Variants in THSD7B observed in about 807,000 individuals in gnomAD.
The protein encoded by THSD7B is thrombospondin type 1 domain containing 7B.
THSD7B carries 138 observed loss-of-function variants against 213.6 expected under a neutral mutation model. That is an observed-to-expected ratio of 0.65 (90% CI 0.56 to 0.74). The LOEUF (loss-of-function observed/expected upper bound fraction) is 0.74. Among genes scored for constraint, THSD7B ranks in the 30% least tolerant of loss-of-function variants. The pLI is 0.00. For missense variants in THSD7B, 1,931 were observed against 1,991.5 expected (o/e 0.97, Z 0.58); for synonymous variants, 742 against 687.0 (o/e 1.08, Z -1.25).
chr2:137,487,534 TG>T (rs1239063495), intron 15 of THSD7B, among the ~76,000 whole-genome samples: 2 of 151,556 alleles, frequency 1.3e-5, no homozygotes, highest in African/African-American at 4.8e-5. Context: ...GCTGGTTTTT[TG>T]AAAGGATCAA....
At chr2:137,124,147 G>T (rs1269596703) in intron 5 of THSD7B, among the ~76,000 whole-genome samples, 4 of 152,148 alleles carry the variant, frequency 2.6e-5, no homozygotes, top group African/African-American at 9.7e-5. Flanking sequence ...ACCACGCTGA[G>T]ACTAGTGCAT....
At chr2:137,239,304 G>A (rs1325927921) in intron 9 of THSD7B, among the ~76,000 whole-genome samples, 2 of 152,086 alleles carry the variant, frequency 1.3e-5, no homozygotes, top group Non-Finnish European at 2.9e-5. Flanking sequence ...TTTAACAGTT[G>A]CTGAATTTTT....
chr2:137,466,674 C>A (rs1483838732), intron 15 of THSD7B, among the ~76,000 whole-genome samples: 1 of 152,046 alleles, frequency 6.6e-6, no homozygotes, highest in Non-Finnish European at 1.5e-5. Context: ...CCAGTTTGCA[C>A]GCAATCAGCA....
At chr2:137,430,060 T>A (rs1452882832) in intron 14 of THSD7B, among the ~76,000 whole-genome samples, 5 of 151,838 alleles carry the variant, frequency 3.3e-5, no homozygotes, top group African/African-American at 1.2e-4. Context: ...CTGGGCAACA[T>A]AAGGAGACCC....
intron 2 of THSD7B, among the ~76,000 whole-genome samples, chr2:136,977,807 T>C (rs1446376308): frequency 1.9e-5 from 1 of 53,380 alleles, no homozygotes; most frequent in Non-Finnish European, 7.4e-5. Flanking sequence ...CTTTGTTTTT[T>C]TTTTTTTTTT....
intron 14 of THSD7B, among the ~76,000 whole-genome samples, chr2:137,412,431 T>C (rs1686679622): frequency 6.6e-6 from 1 of 151,546 alleles, no homozygotes; most frequent in Admixed American, 6.6e-5. Flanking sequence ...AGAAACCCTG[T>C]CTCTACTGAA....
chr2:137,546,472 ATATATAATATATATAT>A (rs1680739328), intron 15 of THSD7B, among the ~76,000 whole-genome samples: 1 of 62,164 alleles, frequency 1.6e-5, no homozygotes, highest in Non-Finnish European at 2.7e-5. Flanking sequence ...TAATATATAT[ATATATAATATATATAT>A]ATATATATTA....
intron 14 of THSD7B, among the ~76,000 whole-genome samples, chr2:137,415,424 A>G (rs1686771073): frequency 6.6e-6 from 1 of 152,168 alleles, no homozygotes; most frequent in South Asian, 2.1e-4. Context: ...GAGGAGAAAT[A>G]TTAAAATCAC....
intron 25 of THSD7B, 63 bp from the exon 26 acceptor site, chr2:137,663,320 T>C: frequency 7.5e-7 from 1 of 1,338,738 alleles, no homozygotes; most frequent in Non-Finnish European, 9.9e-7. Context: ...TTTAACATTA[T>C]ATTTTTATTC....
intron 2 of THSD7B, among the ~76,000 whole-genome samples, chr2:136,959,743 C>G (rs1252993994): frequency 6.6e-6 from 1 of 152,158 alleles, no homozygotes; most frequent in Non-Finnish European, 1.5e-5. Context: ...CTACTTATCT[C>G]CATAAATTTA....
chr2:136,882,055 C>A, intron 1 of THSD7B, 89 bp from the exon 2 acceptor site: 1 of 1,054,088 alleles, frequency 9.5e-7, no homozygotes, highest in Non-Finnish European at 1.3e-6. Context: ...ACTTGCAATA[C>A]CATCATAATA....
intron 15 of THSD7B, among the ~76,000 whole-genome samples, chr2:137,531,798 T>G (rs1047063236): frequency 6.6e-6 from 1 of 151,964 alleles, no homozygotes. Flanking sequence ...CTACCTAGTA[T>G]CTAATGCTTA....
chr2:137,240,637 T>C (rs913450032), intron 9 of THSD7B, among the ~76,000 whole-genome samples: 3 of 152,070 alleles, frequency 2.0e-5, no homozygotes, highest in African/African-American at 7.2e-5. Context: ...CAGCAACCCA[T>C]GTAGCTAGGA....
chr2:136,803,203 C>A (rs1361795641), intron 1 of THSD7B, among the ~76,000 whole-genome samples: 1 of 151,840 alleles, frequency 6.6e-6, no homozygotes, highest in Admixed American at 6.6e-5. Flanking sequence ...TTGTTCTGTC[C>A]AAATTTTCAA....
intron 17 of THSD7B, among the ~76,000 whole-genome samples, chr2:137,604,249 T>C (rs1457777244): frequency 6.6e-6 from 1 of 152,222 alleles, no homozygotes; most frequent in African/African-American, 2.4e-5. Flanking sequence ...TTCAACTTTT[T>C]AAATAGTGAA....
At chr2:137,028,432 T>C (rs1397088613) in intron 2 of THSD7B, among the ~76,000 whole-genome samples, 1 of 152,188 alleles carries the variant, frequency 6.6e-6, no homozygotes, top group African/African-American at 2.4e-5. Context: ...ATATGTCACT[T>C]AAAGGGAAAT....
intron 1 of THSD7B, among the ~76,000 whole-genome samples, chr2:136,862,636 A>G (rs890780174): frequency 1.3e-5 from 2 of 152,254 alleles, no homozygotes; most frequent in Non-Finnish European, 2.9e-5. Context: ...ATAACTGCCC[A>G]GATGAGCTAG....
chr2:137,231,030 C>G lies in THSD7B; in HGVS notation c.1724-14C>G. ...TGCATTAATCACCAACTGTCTTGAT[C>G]TTGTTGATTGTAGGAGAAGATGTAT... is the stretch of plus-strand genomic sequence containing the variant. On this transcript the variant is annotated splice_polypyrimidine_tract_variant and intron_variant, in intron 7 of 27. Coordinates refer to ENST00000409968, the MANE Select transcript of THSD7B (RefSeq NM_001316349.2). The G allele has an allele frequency of 6.2e-7, 1 of 1,610,934 alleles. No individual in the cohort carries two copies. The highest frequency in any genetic ancestry group is 2.2e-5 in the East Asian group (1 of 44,848).
intron 2 of THSD7B, among the ~76,000 whole-genome samples, chr2:136,926,410 T>C (rs1248288537): frequency 2.0e-5 from 3 of 151,796 alleles, no homozygotes; most frequent in Non-Finnish European, 4.4e-5. Context: ...TTAAAAAAAA[T>C]TGGCCAGTGC....
Sources: allele counts gnomAD v4.1 joint callset (sites outside exome capture counted in the v4.1 genomes callset), GRCh38; gene constraint gnomAD v4.1.1; transcripts MANE v1.5; gene names NCBI Gene and HGNC (gene_info 2026-07-23, HGNC 2026-07-21).